The following IMPG1 variants were observed in gnomAD, a reference collection of about 807,000 sequenced individuals.
IMPG1 encodes the protein interphotoreceptor matrix proteoglycan 1, also known as interphotoreceptor matrix proteoglycan of 150 kDa.
Under a neutral mutation model 92.0 loss-of-function variants are expected in IMPG1, and 85 were observed. The ratio of observed to expected loss-of-function variants is 0.92; its 90% CI spans 0.78 to 1.11. IMPG1 has a LOEUF of 1.11. Among genes scored for constraint, IMPG1 ranks in the 50% least tolerant of loss-of-function variants. The pLI is 0.00. For synonymous variants in IMPG1, 367 were observed against 334.1 expected (o/e 1.10, Z -1.08); for missense variants, 1,022 against 956.0 (o/e 1.07, Z -0.91).
intron 1 of IMPG1, among the ~76,000 whole-genome samples, chr6:76,045,491 A>T (rs1582127479): frequency 7.9e-6 from 1 of 126,854 alleles, no homozygotes. Context: ...TACCTTGACT[A>T]CTCTGTTTCT....
At position 76,035,331 on chromosome 6, in the gene IMPG1, C is replaced by T. The variant is rs200998787; in HGVS notation, c.302-544G>A. 3.0e-4 allele frequency among the ~76,000 whole-genome samples: 46 copies of T among 152,002 alleles called. No individual in the cohort carries two copies. The East Asian group carries it at 8.7e-3, about 29-fold the overall frequency. On this transcript the variant is annotated intron_variant, in intron 2 of 16. Coordinates refer to ENST00000369950, the MANE Select transcript of IMPG1 (RefSeq NM_001563.4). ...CAGCCTCAACATGGAGAAAGCTCGT[C>T]TCTACTAAAAATACAAAATTAGCTG...
intron 2 of IMPG1, among the ~76,000 whole-genome samples, chr6:76,035,880 C>T (rs1158125378): frequency 1.3e-5 from 2 of 152,176 alleles, no homozygotes; most frequent in Non-Finnish European, 2.9e-5. Flanking sequence ...AGGGACAACA[C>T]ACATTTTGGC....
chr6:75,983,052 G>A (rs1399139113), intron 12 of IMPG1, among the ~76,000 whole-genome samples: 1 of 152,000 alleles, frequency 6.6e-6, no homozygotes, highest in Admixed American at 6.5e-5. Flanking sequence ...TTCAAGTGCA[G>A]CTAAAATGGA....
rs1236279967 is a variant in IMPG1 at position 75,924,566 on chromosome 6, ATTAT to A, written c.2244-864_2244-861del. 2.0e-3 allele frequency among the ~76,000 whole-genome samples: 61 copies of A among 31,142 alleles called. 5 individuals carry two copies. In the East Asian group the frequency reaches 0.024, roughly 12 times the overall value. The allele number at this position is 31,142 out of a possible 152,430, so 20.4% of individuals were successfully genotyped here. ...TATAATATAATTAATATAATTATAT[ATTAT>A]ATATAATTAATATAATTATATATTA... On this transcript the variant is annotated intron_variant, in intron 15 of 16. Transcript: ENST00000369950.
intron 12 of IMPG1, among the ~76,000 whole-genome samples, chr6:75,998,952 G>A (rs529980939): frequency 1.3e-5 from 2 of 152,228 alleles, no homozygotes; most frequent in East Asian, 1.9e-4. Context: ...TGCCTCCCAG[G>A]TTCAAGCAAT....
intron 12 of IMPG1, among the ~76,000 whole-genome samples, chr6:75,997,092 A>G (rs1782913833): frequency 6.6e-6 from 1 of 152,200 alleles, no homozygotes. Flanking sequence ...GAGTTGAAAG[A>G]ACTTTGATTC....
intron 4 of IMPG1, among the ~76,000 whole-genome samples, chr6:76,026,226 G>A (rs1334060641): frequency 6.6e-6 from 1 of 152,210 alleles, no homozygotes; most frequent in Non-Finnish European, 1.5e-5. Flanking sequence ...CCATCTGCAA[G>A]CCTAAATTGT....
intron 16 of IMPG1, among the ~76,000 whole-genome samples, chr6:75,922,503 CTGAA>C (rs1208634018): frequency 1.3e-5 from 2 of 152,168 alleles, no homozygotes; most frequent in Non-Finnish European, 2.9e-5. Context: ...CATGTGTCCT[CTGAA>C]TGTCTGTCAA....
intron 6 of IMPG1, among the ~76,000 whole-genome samples, chr6:76,021,021 C>T (rs960201335): frequency 3.9e-5 from 6 of 152,162 alleles, no homozygotes; most frequent in Admixed American, 3.9e-4. Context: ...TTCAGGCCCT[C>T]CAAATCCTGA....
At chr6:75,990,334 T>A (rs1782793649) in intron 12 of IMPG1, among the ~76,000 whole-genome samples, 1 of 152,194 alleles carries the variant, frequency 6.6e-6, no homozygotes, top group African/African-American at 2.4e-5. Context: ...TATTTTTCTA[T>A]CTCATTCATT....
chr6:75,975,248 G>C (rs533040959), intron 12 of IMPG1, among the ~76,000 whole-genome samples: 3 of 152,354 alleles, frequency 2.0e-5, no homozygotes, highest in African/African-American at 7.2e-5. Flanking sequence ...CAGGCTTCTA[G>C]AGCAGGCAGA....
chr6:76,022,085 A>G, intron 6 of IMPG1, 31 bp downstream of exon 6: 1 of 1,220,104 alleles, frequency 8.2e-7, no homozygotes, highest in East Asian at 2.5e-5. Flanking sequence ...CAGGCACATG[A>G]AGAGCTAGAT....
At chr6:76,011,030 C>T (rs568632621) in intron 8 of IMPG1, 136 bp downstream of exon 8, 10 of 585,576 alleles carry the variant, frequency 1.7e-5, no homozygotes, top group Admixed American at 9.5e-5. Context: ...TTATCTGAAA[C>T]GTACTCCGTT....
At chr6:76,056,629 A>T (rs796482423) in intron 1 of IMPG1, among the ~76,000 whole-genome samples, 4 of 152,174 alleles carry the variant, frequency 2.6e-5, no homozygotes, top group African/African-American at 7.2e-5. Flanking sequence ...AAATAGCCGT[A>T]GTAATTTATA....
At chr6:75,928,916 ATATGT>A (rs1186249857) in intron 15 of IMPG1, among the ~76,000 whole-genome samples, 1 of 152,122 alleles carries the variant, frequency 6.6e-6, no homozygotes, top group Admixed American at 6.5e-5. Context: ...TCATTTAATG[ATATGT>A]TATTTTTCCG....
intron 12 of IMPG1, among the ~76,000 whole-genome samples, chr6:75,965,398 C>T (rs1405287262): frequency 1.3e-5 from 2 of 150,050 alleles, no homozygotes; most frequent in Non-Finnish European, 3.0e-5. Context: ...CTATTCTGAT[C>T]AGTGTTAATG....
At position 75,947,414 on chromosome 6, in the gene IMPG1, G is replaced by A. The variant is rs749382585; in HGVS notation, c.1944C>T (p.Asn648=). The change falls in exon 14 of 17, where the codon AAC becomes AAT. Residue 648 remains asparagine (N), a synonymous_variant. Transcript: ENST00000369950. ...AGACCCCGTGCACAGCCTTGGTGAGGTTATACGGCACTGACTTAGCAAACT... is the reference window on the plus strand; with the variant it reads ...AGACCCCGTGCACAGCCTTGGTGAGATTATACGGCACTGACTTAGCAAACT... The part of the protein sequence containing the change: ...KMKFAKSVPY[N]LTKAVHGVLE... 1.2e-6 allele frequency: 2 copies of A among 1,613,850 alleles called. No homozygotes were observed. Among genetic ancestry groups the A allele is most frequent in the South Asian group, 2.2e-5 (2 of 91,074 alleles).
intron 5 of IMPG1, among the ~76,000 whole-genome samples, chr6:76,023,991 A>G (rs1401717857): frequency 3.3e-5 from 5 of 152,162 alleles, no homozygotes; most frequent in African/African-American, 1.2e-4. Flanking sequence ...CTTTTTGAAT[A>G]AGACTTGATA....
At chr6:76,015,729 G>GGCGGA (rs1393928248) in intron 7 of IMPG1, among the ~76,000 whole-genome samples, 1 of 148,874 alleles carries the variant, frequency 6.7e-6, no homozygotes, top group Non-Finnish European at 1.5e-5. Flanking sequence ...GAACCTAGGA[G>GGCGGA]GCGGAGGTTG....
Sources: allele counts gnomAD v4.1 joint callset (sites outside exome capture counted in the v4.1 genomes callset), GRCh38; gene constraint gnomAD v4.1.1; transcripts MANE v1.5; gene names NCBI Gene and HGNC (gene_info 2026-07-23, HGNC 2026-07-21).